LRIG3: variants seen among roughly 807,000 people sequenced by gnomAD.
LRIG3 encodes the protein leucine rich repeats and immunoglobulin like domains 3, also known as leucine-rich repeats and immunoglobulin-like domains protein 3.
In LRIG3, 76 loss-of-function variants were observed where a neutral mutation model predicts 114.5. The observed-to-expected ratio is 0.66, with a 90% confidence interval of 0.55 to 0.80. LRIG3 has a LOEUF of 0.80. Ranked by LOEUF, LRIG3 falls within the 30% of genes least tolerant of loss-of-function variation. The probability of loss-of-function intolerance (pLI) is 0.00; values close to 1 mark genes in which losing one functional copy is unlikely to be tolerated. For missense variants in LRIG3, 1,239 were observed against 1,382.8 expected, an observed-to-expected ratio of 0.90 and a Z score of 1.65; for synonymous variants, 512 against 519.8, an observed-to-expected ratio of 0.98 and a Z score of 0.20.
chr12:58,917,315 C>T (rs1872513897), intron 1 of LRIG3, among the ~76,000 whole-genome samples: 1 of 152,184 alleles, frequency 6.6e-6, no homozygotes, highest in Non-Finnish European at 1.5e-5. Flanking sequence ...TTCTCATTGG[C>T]AATTTAGCAA....
At chr12:58,919,595 A>G in intron 1 of LRIG3, 1 of 1,526,308 alleles carries the variant, frequency 6.6e-7, no homozygotes, top group Non-Finnish European at 8.8e-7. Flanking sequence ...ACTAAAACTG[A>G]ACCAGACTCA....
intron 3 of LRIG3, among the ~76,000 whole-genome samples, chr12:58,900,795 A>G (rs573880832): frequency 3.8e-4 from 58 of 152,330 alleles, no homozygotes; most frequent in African/African-American, 1.3e-3. Context: ...ACGGACCAGA[A>G]TGCAGACACA....
At chr12:58,889,934 G>A in intron 5 of LRIG3, 62 bp downstream of exon 5, 1 of 1,559,386 alleles carries the variant, frequency 6.4e-7, no homozygotes, top group Non-Finnish European at 8.7e-7. Flanking sequence ...TAGATTTTAA[G>A]GAAAAGACAC....
In LRIG3 at chr12:58,880,870, C is replaced by T; in HGVS notation, c.1512G>A (p.Gln504=). ...CTTTTATTGCCGACTGTGTTTCTGG[C>T]TGAACCGTGATCTGGGGTTTGGGAA... ...DDFPKPQITV[Q]PETQSAIKGS... Residue 504 remains glutamine, a synonymous_variant, in exon 13 of 19, where the codon CAG becomes CAA. Transcript: ENST00000320743. 1 of 1,613,568 alleles carries T rather than the reference C, an allele frequency of 6.2e-7. No homozygotes were observed. Among genetic ancestry groups the T allele is most frequent in the Non-Finnish European group, 8.5e-7 (1 of 1,179,502 alleles).
chr12:58,898,254 T>G (rs570499204), intron 3 of LRIG3, among the ~76,000 whole-genome samples: 134 of 152,334 alleles, frequency 8.8e-4, no homozygotes, highest in Non-Finnish European at 1.7e-3. Context: ...TGTGTCTTTA[T>G]CTACTACGTT....
At chr12:58,899,935 C>A (rs147243056) in intron 3 of LRIG3, among the ~76,000 whole-genome samples, 2 of 152,244 alleles carry the variant, frequency 1.3e-5, no homozygotes, top group African/African-American at 4.8e-5. Context: ...TCTGGGAAGG[C>A]TAACAGGAAA....
At chr12:58,875,132 T>C (rs1331550952) in intron 16 of LRIG3, among the ~76,000 whole-genome samples, 3 of 152,024 alleles carry the variant, frequency 2.0e-5, no homozygotes, top group African/African-American at 7.3e-5. Context: ...GAAAAGCAAA[T>C]ATGCAGAACG....
intron 18 of LRIG3, 143 bp downstream of exon 18, chr12:58,873,912 A>T: frequency 1.1e-6 from 1 of 948,878 alleles, no homozygotes; most frequent in Non-Finnish European, 1.6e-6. Flanking sequence ...GGAGGCATTT[A>T]CACTAACTAG....
At chr12:58,913,769 T>C (rs373262971) in intron 3 of LRIG3, 1 of 512,908 alleles carries the variant, frequency 1.9e-6, no homozygotes, top group Non-Finnish European at 3.4e-6. Flanking sequence ...AACAGCAAAG[T>C]GTAAAGTGTG....
At chr12:58,878,582 T>G (rs1871009379) in intron 14 of LRIG3, among the ~76,000 whole-genome samples, 1 of 152,174 alleles carries the variant, frequency 6.6e-6, no homozygotes, top group Non-Finnish European at 1.5e-5. Context: ...CAACTTTTCC[T>G]CGGCCCCTCT....
intron 1 of LRIG3, among the ~76,000 whole-genome samples, chr12:58,917,272 G>T (rs1872512691): frequency 2.6e-5 from 4 of 152,206 alleles, no homozygotes; most frequent in Admixed American, 2.6e-4. Context: ...AAATAATTCT[G>T]AAATGCCAGT....
chr12:58,906,637 C>CA (rs1872077455), intron 3 of LRIG3, among the ~76,000 whole-genome samples: 1 of 152,096 alleles, frequency 6.6e-6, no homozygotes, highest in African/African-American at 2.4e-5. Context: ...CTATGGCCAA[C>CA]TCTACCCTAT....
Position 58,920,351 on chromosome 12 carries a change from T to C in LRIG3, c.-116A>G. 1.5e-6 allele frequency: 1 copy of C among 677,794 alleles called. No homozygotes were observed. The allele number at this position is 677,794 out of a possible 1,614,324, so 42.0% of individuals were successfully genotyped here. A position where few individuals can be genotyped will look rare whatever the true frequency, so the allele number is the denominator to read the frequency against. On this transcript the variant is annotated 5_prime_UTR_variant, in exon 1 of 19. Transcript: ENST00000320743. ...GCCCTCGCGGTCGCGTGCGCGCTCC[T>C]CCCTCGCGCTGCCCGGTCAATTCCT...
intron 1 of LRIG3, among the ~76,000 whole-genome samples, chr12:58,915,798 C>T (rs1196780273): frequency 2.6e-5 from 4 of 152,170 alleles, no homozygotes; most frequent in African/African-American, 9.7e-5. Flanking sequence ...AAACCGTGAG[C>T]CCAACAACTC....
At chr12:58,891,794 A>G (rs1871464087) in intron 3 of LRIG3, among the ~76,000 whole-genome samples, 1 of 152,226 alleles carries the variant, frequency 6.6e-6, no homozygotes, top group Non-Finnish European at 1.5e-5. Context: ...TTACATTAAA[A>G]GTCTTAAACA....
intron 3 of LRIG3, among the ~76,000 whole-genome samples, chr12:58,908,079 G>A (rs571495904): frequency 3.3e-4 from 50 of 152,214 alleles, no homozygotes; most frequent in African/African-American, 1.1e-3. Flanking sequence ...CACAGCAATG[G>A]GCATGACTGT....
intron 12 of LRIG3, among the ~76,000 whole-genome samples, chr12:58,882,280 GA>G (rs1437709957): frequency 2.6e-5 from 4 of 152,164 alleles, no homozygotes; most frequent in African/African-American, 9.7e-5. Context: ...CACCAGAGAT[GA>G]AAACTTTTCT....
At chr12:58,919,594 G>A (rs980728676) in intron 1 of LRIG3, 5 of 1,527,364 alleles carry the variant, frequency 3.3e-6, no homozygotes, top group Non-Finnish European at 4.4e-6. Flanking sequence ...AACTAAAACT[G>A]AACCAGACTC....
rs557970171 is a variant in LRIG3 at position 58,894,908 on chromosome 12, G to C, written c.384-4112C>G. On this transcript the variant is annotated intron_variant, in intron 3 of 18. Coordinates refer to ENST00000320743, the MANE Select transcript of LRIG3 (RefSeq NM_153377.5). ...GGAGTTCCATGGTTAACTAATTTCT[G>C]AAGTGAAGTATAATTAGTCCCTGTG... Among the ~76,000 whole-genome samples the C allele has an allele frequency of 2.0e-5, 3 of 152,270 alleles. No individual in the cohort carries two copies. In the South Asian group the frequency reaches 6.2e-4, roughly 32 times the overall value.
Sources: gnomAD v4.1 joint callset for allele counts (sites outside exome capture counted in the v4.1 genomes callset) on GRCh38, gnomAD v4.1.1 for gene constraint, MANE v1.5 for transcripts, NCBI Gene and HGNC (gene_info 2026-07-23, HGNC 2026-07-21) for gene names.